The following DCLK1 variants were observed in gnomAD, a reference collection of about 807,000 sequenced individuals.
DCLK1 encodes doublecortin like kinase 1.
Under a neutral mutation model 86.2 loss-of-function variants are expected in DCLK1, and 16 were observed. The observed-to-expected ratio is 0.19, with a 90% CI of 0.13 to 0.28. The LOEUF (loss-of-function observed/expected upper bound fraction) is 0.28, where lower values mean the gene tolerates loss of function less well. DCLK1 is among the 10% of genes least tolerant of loss of function. DCLK1 has a pLI of 1.00. For synonymous variants in DCLK1, 369 were observed against 370.5 expected (o/e 1.00, Z 0.05); for missense variants, 590 against 940.2 (o/e 0.63, Z 4.87).
chr13:35,948,823 T>A (rs750821084), intron 3 of DCLK1, among the ~76,000 whole-genome samples: 1 of 152,160 alleles, frequency 6.6e-6, no homozygotes, highest in African/African-American at 2.4e-5. Flanking sequence ...CTGTAATCAC[T>A]GAGGAAGATA....
At chr13:35,848,292 T>G in intron 6 of DCLK1, 2 of 984,652 alleles carry the variant, frequency 2.0e-6, no homozygotes, top group Non-Finnish European at 2.4e-6. Context: ...ACCAATGAAC[T>G]GAAAACTTCT....
chr13:35,919,706 A>G (rs552995548), intron 4 of DCLK1, among the ~76,000 whole-genome samples: 18 of 152,178 alleles, frequency 1.2e-4, no homozygotes, highest in African/African-American at 4.3e-4. Flanking sequence ...CATGCCTATA[A>G]TTCCAGCACT....
At chr13:35,910,805 G>A (rs747387656) in intron 4 of DCLK1, among the ~76,000 whole-genome samples, 1 of 152,178 alleles carries the variant, frequency 6.6e-6, no homozygotes, top group Non-Finnish European at 1.5e-5. Flanking sequence ...TGGCAAAAAA[G>A]AAGAGCATCC....
intron 3 of DCLK1, among the ~76,000 whole-genome samples, chr13:35,960,369 T>A (rs1361423195): frequency 6.6e-6 from 1 of 152,180 alleles, no homozygotes; most frequent in African/African-American, 2.4e-5. Flanking sequence ...CTATTAGAAA[T>A]GTTAGCTTTA....
At chr13:35,966,465 A>G (rs532034122) in intron 3 of DCLK1, among the ~76,000 whole-genome samples, 1 of 151,746 alleles carries the variant, frequency 6.6e-6, no homozygotes, top group Non-Finnish European at 1.5e-5. Context: ...AAAAAGAATG[A>G]AAATTCTGGC....
At chr13:36,104,255 A>G (rs1885318324) in intron 3 of DCLK1, among the ~76,000 whole-genome samples, 1 of 152,220 alleles carries the variant, frequency 6.6e-6, no homozygotes. Context: ...GCTAATGCCG[A>G]GTGGATAGAC....
At chr13:36,131,422 C>G (rs1048101051), upstream of DCLK1, 1 of 190,862 alleles carries the variant, frequency 5.2e-6, no homozygotes, top group South Asian at 8.9e-5. Flanking sequence ...TTGTCTCACT[C>G]GCTCACACGC....
chr13:35,870,321 G>A (rs80014099), intron 5 of DCLK1, among the ~76,000 whole-genome samples: 2,785 of 152,216 alleles, frequency 0.018, 91 homozygotes, highest in African/African-American at 0.064. Flanking sequence ...GGGCTGGGTG[G>A]TCTAGCTGGC....
chr13:36,057,298 C>A (rs1329682706), intron 3 of DCLK1, among the ~76,000 whole-genome samples: 1 of 152,044 alleles, frequency 6.6e-6, no homozygotes, highest in East Asian at 1.9e-4. Context: ...ATGATTTATT[C>A]TTTCAAAGGA....
chr13:36,122,926 G>A (rs1410643), intron 2 of DCLK1, among the ~76,000 whole-genome samples: 36,078 of 151,992 alleles, frequency 0.24, 4,542 homozygotes, highest in East Asian at 0.49. Context: ...ACCACACTTA[G>A]GCATAATAAT....
At chr13:36,120,238 G>A (rs943407974) in intron 2 of DCLK1, among the ~76,000 whole-genome samples, 1 of 151,936 alleles carries the variant, frequency 6.6e-6, no homozygotes, top group African/African-American at 2.4e-5. Flanking sequence ...TTATATAATT[G>A]TTTTGTACAT....
chr13:35,811,787 T>C (rs1343082120), intron 11 of DCLK1, among the ~76,000 whole-genome samples: 1 of 151,164 alleles, frequency 6.6e-6, no homozygotes, highest in Non-Finnish European at 1.5e-5. Flanking sequence ...TGAGCTGAGA[T>C]CAAGCCATTG....
chr13:35,889,163 C>T (rs376125742), intron 4 of DCLK1, among the ~76,000 whole-genome samples: 24 of 152,166 alleles, frequency 1.6e-4, no homozygotes, highest in African/African-American at 5.1e-4. Context: ...AGCTATTGAA[C>T]ACTATGGTCT....
At chr13:35,914,916 A>T (rs192779486) in intron 4 of DCLK1, among the ~76,000 whole-genome samples, 2 of 152,162 alleles carry the variant, frequency 1.3e-5, no homozygotes, top group Non-Finnish European at 2.9e-5. Flanking sequence ...GAGGAAGGAG[A>T]TGACTTGAAG....
Position 35,947,347 on chromosome 13 carries a change from T to C in DCLK1, c.823+11A>G, listed in dbSNP as rs768080863. The C allele has an allele frequency of 5.0e-6, 8 of 1,612,506 alleles. No individual in the cohort carries two copies. The highest frequency in any genetic ancestry group is 1.1e-5 in the South Asian group (1 of 91,000). On this transcript the variant is annotated intron_variant, in intron 4 of 16. Coordinates refer to ENST00000360631, the MANE Select transcript of DCLK1 (RefSeq NM_001330071.2). ...AAATTTCCCCTGGTTTTGAACTTTT[T>C]TTTTCCTTACCACTTTCATCTAGCA... is the stretch of plus-strand genomic sequence containing the variant.
At chr13:35,874,293 A>C (rs1030008313) in intron 4 of DCLK1, among the ~76,000 whole-genome samples, 1 of 152,152 alleles carries the variant, frequency 6.6e-6, no homozygotes, top group Non-Finnish European at 1.5e-5. Context: ...AAGTAGTTTA[A>C]ATTGTTTAGT....
At chr13:35,822,927 G>A (rs760040457) in intron 10 of DCLK1, 52 bp from the exon 11 acceptor site, 5 of 1,600,958 alleles carry the variant, frequency 3.1e-6, no homozygotes, top group Non-Finnish European at 3.4e-6. Flanking sequence ...GGCCAGTGGG[G>A]CCACCTGCAG....
chr13:36,027,950 T>C (rs148495978), intron 3 of DCLK1, among the ~76,000 whole-genome samples: 1 of 152,130 alleles, frequency 6.6e-6, no homozygotes, highest in Admixed American at 6.5e-5. Flanking sequence ...GCTGGTCTCT[T>C]AACACCTGGG....
intron 12 of DCLK1, among the ~76,000 whole-genome samples, chr13:35,810,479 A>T (rs1343601199): frequency 1.3e-5 from 2 of 152,246 alleles, no homozygotes; most frequent in Non-Finnish European, 2.9e-5. Context: ...GGAGACTGTA[A>T]TCACCGCACA....
Sources: allele counts gnomAD v4.1 joint callset (sites outside exome capture counted in the v4.1 genomes callset), GRCh38; gene constraint gnomAD v4.1.1; transcripts MANE v1.5; gene names NCBI Gene and HGNC (gene_info 2026-07-23, HGNC 2026-07-21).